The following ATAD2B variants were observed in gnomAD, a reference collection of about 807,000 sequenced individuals.
ATAD2B encodes the protein ATPase family AAA domain containing 2B, also known as ATPase family AAA domain-containing protein 2B.
Under a neutral mutation model 167.6 loss-of-function variants are expected in ATAD2B, and 40 were observed. That is an observed-to-expected ratio of 0.24 (90% CI 0.19 to 0.31). The LOEUF (loss-of-function observed/expected upper bound fraction) is 0.31, where lower values mean the gene tolerates loss of function less well. Among genes scored for constraint, ATAD2B ranks in the 10% least tolerant of loss-of-function variants. The pLI, the probability that ATAD2B is intolerant of heterozygous loss-of-function variation, is 1.00. For synonymous variants in ATAD2B, 579 were observed against 596.5 expected (o/e 0.97, Z 0.43); for missense variants, 1,242 against 1,757.2 (o/e 0.71, Z 5.24).
intron 22 of ATAD2B, among the ~76,000 whole-genome samples, chr2:23,773,119 A>G (rs1678587015): frequency 6.6e-6 from 1 of 152,246 alleles, no homozygotes; most frequent in Non-Finnish European, 1.5e-5. Context: ...GATTATACAT[A>G]GCATATAATC....
chr2:23,861,704 T>C (rs936040684), intron 12 of ATAD2B, among the ~76,000 whole-genome samples: 14 of 152,228 alleles, frequency 9.2e-5, no homozygotes, highest in East Asian at 1.9e-4. Context: ...AATTAAATCA[T>C]TGAATAATAT....
chr2:23,697,307 G>A, the ATAD2B span: 28 of 152,334 alleles, frequency 1.8e-4, no homozygotes, highest in Admixed American at 1.8e-3. Flanking sequence ...GAGAACAGAT[G>A]CCTGGGGGAA....
the ATAD2B span, among the ~76,000 whole-genome samples, chr2:23,699,701 C>G: frequency 6.6e-6 from 1 of 152,206 alleles, no homozygotes; most frequent in African/African-American, 2.4e-5. Context: ...CGGCGCCCAG[C>G]CCTGGGGGCT....
At chr2:23,743,791 A>C (rs1674645061), downstream of ATAD2B, among the ~76,000 whole-genome samples, 1 of 151,840 alleles carries the variant, frequency 6.6e-6, no homozygotes, top group Non-Finnish European at 1.5e-5. Flanking sequence ...AAGCCTGGCT[A>C]ATTTTTTAAT....
intron 8 of ATAD2B, chr2:23,872,234 G>T (rs532787285): frequency 2.7e-4 from 108 of 393,556 alleles, no homozygotes; most frequent in Non-Finnish European, 4.8e-4. Flanking sequence ...ACCCAGGCTG[G>T]AGTGAAGTGA....
Position 23,788,655 on chromosome 2 carries a change from T to TATAC in ATAD2B, c.2641-12_2641-9dup. On this transcript the variant is annotated splice_polypyrimidine_tract_variant and intron_variant, in intron 19 of 27. Transcript: ENST00000238789. ...TCTAAAGATACATTTAACCTACACA[T>TATAC]ATACACACACACAAAGACATTAAAT... The TATAC allele has an allele frequency of 6.4e-7, 1 of 1,564,986 alleles. No homozygotes were observed. Among genetic ancestry groups the TATAC allele is most frequent in the Non-Finnish European group, 8.8e-7 (1 of 1,142,692 alleles).
At chr2:23,865,670 A>G (rs1201474776) in intron 10 of ATAD2B, among the ~76,000 whole-genome samples, 1 of 152,196 alleles carries the variant, frequency 6.6e-6, no homozygotes, top group Admixed American at 6.5e-5. Context: ...GCTATTTACA[A>G]TAGTTTGTAG....
At chr2:23,896,837 C>T (rs938590895) in intron 1 of ATAD2B, among the ~76,000 whole-genome samples, 28 of 152,166 alleles carry the variant, frequency 1.8e-4, no homozygotes, top group Non-Finnish European at 8.8e-5. Context: ...ATGTCTTTGA[C>T]GGTCAAGAGT....
chr2:23,744,066 T>G (rs1282581699), downstream of ATAD2B, among the ~76,000 whole-genome samples: 1 of 152,180 alleles, frequency 6.6e-6, no homozygotes, highest in Non-Finnish European at 1.5e-5. Context: ...ATGCAAATAC[T>G]GAATAATGAT....
At chr2:23,741,251 C>A in the ATAD2B span, among the ~76,000 whole-genome samples, 1 of 152,138 alleles carries the variant, frequency 6.6e-6, no homozygotes, top group Non-Finnish European at 1.5e-5. Flanking sequence ...CCAAGTCAAT[C>A]CTAAACCAAA....
chr2:23,885,897 G>GA (rs1310990587), intron 4 of ATAD2B, 68 bp from the exon 5 acceptor site: 1 of 926,444 alleles, frequency 1.1e-6, no homozygotes, highest in Admixed American at 2.8e-5. Context: ...AGCTCTTTGT[G>GA]AAAGTGTAAT....
At chr2:23,901,866 A>G (rs1700880445) in intron 1 of ATAD2B, among the ~76,000 whole-genome samples, 1 of 152,184 alleles carries the variant, frequency 6.6e-6, no homozygotes, top group Admixed American at 6.5e-5. Flanking sequence ...GGAAATAAGT[A>G]CTATGTACCA....
At chr2:23,765,458 G>T in intron 23 of ATAD2B, 48 bp downstream of exon 23, 1 of 1,517,042 alleles carries the variant, frequency 6.6e-7, no homozygotes, top group South Asian at 1.3e-5. Flanking sequence ...CTCTTGGCCT[G>T]AACAGAGCAC....
the ATAD2B span, among the ~76,000 whole-genome samples, chr2:23,704,681 CG>C: frequency 0.011 from 1,602 of 152,210 alleles, 14 homozygotes; most frequent in Middle Eastern, 0.017. Context: ...GCAGGAGAAT[CG>C]CTTGAACCCG....
the ATAD2B span, among the ~76,000 whole-genome samples, chr2:23,723,985 T>C: frequency 2.6e-5 from 4 of 152,308 alleles, no homozygotes; most frequent in East Asian, 1.9e-4. Flanking sequence ...TGGATGGAAT[T>C]TGAGGACATT....
chr2:23,853,729 A>G (rs1353464139), intron 13 of ATAD2B, among the ~76,000 whole-genome samples: 1 of 152,252 alleles, frequency 6.6e-6, no homozygotes, highest in African/African-American at 2.4e-5. Flanking sequence ...GAAAGATAAT[A>G]GATGACTACA....
At chr2:23,716,683 C>G in the ATAD2B span, among the ~76,000 whole-genome samples, 1 of 152,170 alleles carries the variant, frequency 6.6e-6, no homozygotes, top group Non-Finnish European at 1.5e-5. Context: ...CTAACATTGT[C>G]ATCTTTCTGT....
At chr2:23,780,865 C>A (rs532953437) in intron 22 of ATAD2B, among the ~76,000 whole-genome samples, 1 of 152,144 alleles carries the variant, frequency 6.6e-6, no homozygotes, top group Non-Finnish European at 1.5e-5. Flanking sequence ...TATCGCGCCA[C>A]TGCACTCCAG....
rs774990741 is a variant in ATAD2B at position 23,888,355 on chromosome 2, C to T, written c.413G>A (p.Gly138Asp). 3.2e-6 allele frequency: 5 copies of T among 1,586,902 alleles called. No homozygotes were observed. In the African/African-American group the frequency reaches 6.8e-5, roughly 21 times the overall value. Reference protein sequence around the residue: ...PGATLPNGHSGLSLRSHPLRG... With the variant: ...PGATLPNGHSDLSLRSHPLRG... ...TTTTATAATAGAATACTCACATAAGCCACTATGTCCATTTGGTAATGTAGC... is the reference window on the plus strand; with the variant it reads ...TTTTATAATAGAATACTCACATAAGTCACTATGTCCATTTGGTAATGTAGC... Residue 138 changes from glycine to aspartate, a missense_variant, in exon 3 of 28, where the codon GGC (glycine) becomes GAC (aspartate). Physicochemically the swap from Gly to Asp is moderately conservative, Grantham distance 94 (BLOSUM62 -1). Coordinates refer to ENST00000238789, the MANE Select transcript of ATAD2B (RefSeq NM_017552.4).
Sources: allele counts gnomAD v4.1 joint callset (sites outside exome capture counted in the v4.1 genomes callset), GRCh38; gene constraint gnomAD v4.1.1; transcripts MANE v1.5; gene names NCBI Gene and HGNC (gene_info 2026-07-23, HGNC 2026-07-21).